Variants in ADAMTSL1 observed in about 807,000 individuals in gnomAD.
ADAMTSL1 encodes the protein ADAMTS like 1.
In ADAMTSL1, 126 loss-of-function variants were observed where a neutral mutation model predicts 201.8. The observed-to-expected ratio is 0.62, with a 90% CI of 0.54 to 0.72. The LOEUF (loss-of-function observed/expected upper bound fraction) is 0.72, where lower values mean the gene tolerates loss of function less well. Among genes scored for constraint, ADAMTSL1 ranks in the 30% least tolerant of loss-of-function variants. The probability of loss-of-function intolerance (pLI) is 0.00; values close to 1 mark genes in which losing one functional copy is unlikely to be tolerated. For missense variants in ADAMTSL1, 2,679 were observed against 2,277.8 expected, an observed-to-expected ratio of 1.18 and a Z score of -3.59; for synonymous variants, 1,121 against 903.4, an observed-to-expected ratio of 1.24 and a Z score of -4.32.
intron 2 of ADAMTSL1, among the ~76,000 whole-genome samples, chr9:18,377,674 A>G (rs896140081): frequency 6.6e-6 from 1 of 152,026 alleles, no homozygotes; most frequent in East Asian, 1.9e-4. Context: ...GGTTCAAGCA[A>G]TTCTGCCTGA....
At chr9:17,973,419 G>T (rs1818297965) in intron 1 of ADAMTSL1, among the ~76,000 whole-genome samples, 1 of 126,326 alleles carries the variant, frequency 7.9e-6, no homozygotes, top group Admixed American at 8.7e-5. Flanking sequence ...TATTAAATAG[G>T]GAATCCTTTC....
At chr9:18,709,650 T>G (rs1251597870) in intron 14 of ADAMTSL1, among the ~76,000 whole-genome samples, 2 of 152,190 alleles carry the variant, frequency 1.3e-5, no homozygotes, top group African/African-American at 4.8e-5. Context: ...TTCTGGAAGA[T>G]CGAACGCAAG....
intron 1 of ADAMTSL1, among the ~76,000 whole-genome samples, chr9:18,490,638 G>A (rs1822224797): frequency 6.6e-6 from 1 of 152,094 alleles, no homozygotes; most frequent in Non-Finnish European, 1.5e-5. Flanking sequence ...AGAGAACAGG[G>A]GCCTGAGGAA....
At chr9:18,664,025 G>C (rs1829274169) in intron 9 of ADAMTSL1, among the ~76,000 whole-genome samples, 1 of 151,802 alleles carries the variant, frequency 6.6e-6, no homozygotes. Flanking sequence ...ATGTAAAAAA[G>C]AAAGACACAA....
At position 18,854,230 on chromosome 9, in the gene ADAMTSL1, A is replaced by G. The variant is rs1002317929; in HGVS notation, c.4249+24253A>G. On this transcript the variant is annotated intron_variant, in intron 23 of 28. Transcript: ENST00000380548. ...AGTTTTGAAATCATCCCTAACACAC[A>G]TATGCACGCACACACACACACACCC... 3.3e-5 allele frequency among the ~76,000 whole-genome samples: 5 copies of G among 152,094 alleles called. No homozygotes were observed. In the South Asian group the frequency reaches 1.0e-3, roughly 32 times the overall value.
chr9:18,137,626 C>T (rs969414), intron 1 of ADAMTSL1, among the ~76,000 whole-genome samples: 145,873 of 152,214 alleles, frequency 0.96, 70,138 homozygotes, highest in Non-Finnish European at 1. Context: ...ATTTATATAA[C>T]GACTTCGGAG....
At chr9:18,311,022 C>T (rs1834131573) in intron 2 of ADAMTSL1, among the ~76,000 whole-genome samples, 1 of 149,280 alleles carries the variant, frequency 6.7e-6, no homozygotes, top group South Asian at 2.1e-4. Context: ...TACTATGCAG[C>T]CATAAAAAAT....
chr9:18,722,314 C>T (rs994856500), intron 15 of ADAMTSL1, among the ~76,000 whole-genome samples: 1 of 152,144 alleles, frequency 6.6e-6, no homozygotes, highest in Non-Finnish European at 1.5e-5. Flanking sequence ...CTTCTAGATA[C>T]TTCTTTTTGA....
chr9:18,482,203 C>T (rs538076870), intron 1 of ADAMTSL1, among the ~76,000 whole-genome samples: 21 of 152,222 alleles, frequency 1.4e-4, no homozygotes, highest in Middle Eastern at 3.4e-3. Context: ...TGAACATATG[C>T]CGTTTATAAT....
chr9:18,113,324 A>G (rs959928695), intron 1 of ADAMTSL1, among the ~76,000 whole-genome samples: 1 of 152,134 alleles, frequency 6.6e-6, no homozygotes, highest in African/African-American at 2.4e-5. Flanking sequence ...ATCTGGTTAC[A>G]TCTAACAAAA....
chr9:18,906,549 C>A, intron 27 of ADAMTSL1, 143 bp from the exon 28 acceptor site: 1 of 683,706 alleles, frequency 1.5e-6, no homozygotes, highest in African/African-American at 1.8e-5. Context: ...AGTAACAGCA[C>A]AGAAATCAGA....
At chr9:18,342,278 A>G (rs1179435463) in intron 2 of ADAMTSL1, among the ~76,000 whole-genome samples, 21 of 152,114 alleles carry the variant, frequency 1.4e-4, no homozygotes, top group Admixed American at 1.3e-3. Context: ...CCTTTGAGTA[A>G]TTGTTTTAAA....
chr9:18,857,644 C>T (rs529886800), intron 23 of ADAMTSL1, among the ~76,000 whole-genome samples: 1 of 152,266 alleles, frequency 6.6e-6, no homozygotes, highest in South Asian at 2.1e-4. Flanking sequence ...TGACCTTTTC[C>T]ATTGCAGAAG....
chr9:18,284,442 T>G (rs1442573975), intron 2 of ADAMTSL1, among the ~76,000 whole-genome samples: 1 of 152,184 alleles, frequency 6.6e-6, no homozygotes, highest in East Asian at 1.9e-4. Flanking sequence ...ATATACATTT[T>G]TGATGATGTG....
At chr9:18,638,049 C>T (rs946315893) in intron 6 of ADAMTSL1, among the ~76,000 whole-genome samples, 5 of 152,010 alleles carry the variant, frequency 3.3e-5, no homozygotes, top group Non-Finnish European at 2.9e-5. Flanking sequence ...ATGACAACAA[C>T]GTGATTTCCT....
chr9:18,312,009 C>G (rs1336353580), intron 2 of ADAMTSL1, among the ~76,000 whole-genome samples: 2 of 152,128 alleles, frequency 1.3e-5, no homozygotes, highest in African/African-American at 4.8e-5. Flanking sequence ...AATGATAAAA[C>G]AGCAATTAAA....
intron 1 of ADAMTSL1, among the ~76,000 whole-genome samples, chr9:18,022,953 G>T (rs1454864747): frequency 1.3e-5 from 2 of 151,932 alleles, no homozygotes; most frequent in African/African-American, 4.8e-5. Context: ...CACCTTGCTG[G>T]GTTTCTTTTC....
At chr9:18,480,670 A>G (rs1821679462) in intron 1 of ADAMTSL1, among the ~76,000 whole-genome samples, 1 of 152,234 alleles carries the variant, frequency 6.6e-6, no homozygotes, top group Non-Finnish European at 1.5e-5. Flanking sequence ...GTACTTACTC[A>G]TAAGTAAGTA....
intron 2 of ADAMTSL1, among the ~76,000 whole-genome samples, chr9:18,216,059 T>G (rs1324816193): frequency 6.6e-6 from 1 of 152,190 alleles, no homozygotes; most frequent in Non-Finnish European, 1.5e-5. Context: ...ATTTCCAAAT[T>G]CATTTTTAAA....
Sources: gnomAD v4.1 joint callset for allele counts (sites outside exome capture counted in the v4.1 genomes callset) on GRCh38, gnomAD v4.1.1 for gene constraint, MANE v1.5 for transcripts, NCBI Gene and HGNC (gene_info 2026-07-23, HGNC 2026-07-21) for gene names.